CD8B: variants seen among roughly 807,000 people sequenced by gnomAD.
CD8B encodes the protein CD8 subunit beta.
A neutral mutation model predicts 24.2 loss-of-function variants in CD8B; 6 were observed. The observed-to-expected ratio is 0.25, with a 90% CI of 0.14 to 0.49. CD8B has a LOEUF of 0.49. Among genes scored for constraint, CD8B ranks in the 20% least tolerant of loss-of-function variants. The pLI, the probability that CD8B is intolerant of heterozygous loss-of-function variation, is 0.98. For synonymous variants in CD8B, 84 were observed against 108.3 expected (o/e 0.78, Z 1.39); for missense variants, 196 against 271.3 (o/e 0.72, Z 1.95).
At chr2:86,860,135 T>C (rs554653183) in intron 1 of CD8B, among the ~76,000 whole-genome samples, 78 of 152,366 alleles carry the variant, frequency 5.1e-4, no homozygotes, top group East Asian at 2.9e-3. Flanking sequence ...CCAGGCATGA[T>C]GGCGCGTGCC....
In CD8B at chr2:86,840,999, G is replaced by A. The variant is rs541770045; in HGVS notation, c.*1308C>T. 4.1e-4 allele frequency among the ~76,000 whole-genome samples: 62 copies of A among 152,254 alleles called. No homozygotes were observed. Among genetic ancestry groups the A allele is most frequent in the Non-Finnish European group, 7.6e-4 (52 of 68,024 alleles). ...TCTTTGAGCTGGCCAGGAAAAGCAG[G>A]TGAGGCTGGATTCTCCCTGGACCTG... On this transcript the variant is annotated 3_prime_UTR_variant, in exon 6 of 6. Transcript: ENST00000390655.
At chr2:86,826,767 C>T (rs2104507092) in intron 5 of CD8B, among the ~76,000 whole-genome samples, 1 of 151,798 alleles carries the variant, frequency 6.6e-6, no homozygotes, top group South Asian at 2.1e-4. Flanking sequence ...GGTGGAATTA[C>T]AGTGGGCACT....
In CD8B at chr2:86,858,336, C is replaced by T. The variant is rs753422558; in HGVS notation, c.124G>A (p.Glu42Lys). 1.3e-5 allele frequency: 21 copies of T among 1,613,752 alleles called. No homozygotes were observed. The East Asian group carries it at 1.6e-4, about 12-fold the overall frequency. ...QTNKMVMLSC[E>K]AKISLSNMRI... is the part of the protein sequence containing the mutation. Reference sequence around the variant, plus strand: ...ATGTTACTGAGGGAGATTTTAGCCTCGCAGGACAGCATCACCATCTTGTTG... The same window carrying T: ...ATGTTACTGAGGGAGATTTTAGCCTTGCAGGACAGCATCACCATCTTGTTG... Residue 42 changes from glutamate to lysine, a missense_variant, in exon 2 of 6, where the codon GAG (glutamate) becomes AAG (lysine). Glu to Lys is a moderately conservative substitution (Grantham distance 56, BLOSUM62 1). Transcript: ENST00000390655.
At chr2:86,827,613 C>A (rs1449255821) in intron 5 of CD8B, among the ~76,000 whole-genome samples, 1 of 139,062 alleles carries the variant, frequency 7.2e-6, no homozygotes, top group East Asian at 2.0e-4. Context: ...CAGAGCAAGA[C>A]CCTATCTCAA....
intron 5 of CD8B, among the ~76,000 whole-genome samples, chr2:86,823,763 G>A (rs772422551): frequency 1.3e-5 from 2 of 152,140 alleles, no homozygotes; most frequent in Non-Finnish European, 2.9e-5. Context: ...TCAAGGGGAC[G>A]GTGTAGTGGA....
At chr2:86,842,717 T>G (rs1044186228) in intron 5 of CD8B, among the ~76,000 whole-genome samples, 4 of 152,202 alleles carry the variant, frequency 2.6e-5, no homozygotes, top group African/African-American at 7.2e-5. Flanking sequence ...CACAGGCTAT[T>G]TCCTCCATGC....
At chr2:86,825,945 G>A (rs550797047) in intron 5 of CD8B, among the ~76,000 whole-genome samples, 1 of 152,018 alleles carries the variant, frequency 6.6e-6, no homozygotes, top group African/African-American at 2.4e-5. Context: ...ATGAACAGGA[G>A]CTCCTACCTG....
At chr2:86,818,732 C>A (rs1023742643) in intron 5 of CD8B, among the ~76,000 whole-genome samples, 9 of 152,134 alleles carry the variant, frequency 5.9e-5, no homozygotes, top group Non-Finnish European at 1.2e-4. Context: ...AATAACCCTA[C>A]AATGGTTTCT....
chr2:86,834,467 T>TACACACACACACACACACACACACACAC (rs59177290), downstream of CD8B, among the ~76,000 whole-genome samples: 601 of 146,722 alleles, frequency 4.1e-3, 1 homozygote, highest in African/African-American at 8.9e-3. Context: ...TTTCTTCTCT[T>TACACACACACACACACACACACACACAC]ACACACACAC....
intron 2 of CD8B, among the ~76,000 whole-genome samples, chr2:86,856,829 C>T (rs965483492): frequency 2.0e-5 from 3 of 148,600 alleles, no homozygotes; most frequent in African/African-American, 2.5e-5. Flanking sequence ...AAATGCTCAT[C>T]GAACACTTAG....
rs1260011725 is a variant in CD8B, at chr2:86,848,793, C to T, written c.494-2020G>A. Reference sequence around the variant, plus strand: ...GTGCAATGGCAAGATCTGGACTCACCGCAACCTCTGCCTCCTGGGTTCAAG... The same window carrying T: ...GTGCAATGGCAAGATCTGGACTCACTGCAACCTCTGCCTCCTGGGTTCAAG... On this transcript the variant is annotated intron_variant, in intron 3 of 5. Coordinates refer to ENST00000390655, the MANE Select transcript of CD8B (RefSeq NM_004931.5). Among the ~76,000 whole-genome samples the T allele has an allele frequency of 3.7e-4, 56 of 149,818 alleles. 1 individual carries two copies. Among genetic ancestry groups the T allele is most frequent in the South Asian group, 1.3e-3 (6 of 4,746 alleles).
chr2:86,819,893 G>C (rs1262000043), intron 5 of CD8B, among the ~76,000 whole-genome samples: 1 of 152,226 alleles, frequency 6.6e-6, no homozygotes, highest in African/African-American at 2.4e-5. Flanking sequence ...CATGGGAGCA[G>C]GTATAAATAC....
At chr2:86,844,199 T>TCCCAG (rs1461521128) in intron 5 of CD8B, among the ~76,000 whole-genome samples, 1 of 151,410 alleles carries the variant, frequency 6.6e-6, no homozygotes, top group Non-Finnish European at 1.5e-5. Flanking sequence ...CCACTAAAGG[T>TCCCAG]CCCAGCCCAG....
rs920751193 is a variant in CD8B at position 86,842,043 on chromosome 2, G to A, written c.*264C>T. ...GGAGCCGGAAGCGGTGGCATGGGCA[G>A]CATTTCTTACTCAGTCCTCCAGCAC... On this transcript the variant is annotated 3_prime_UTR_variant, in exon 6 of 6. Coordinates refer to ENST00000390655, the MANE Select transcript of CD8B (RefSeq NM_004931.5). 2.4e-6 allele frequency: 3 copies of A among 1,228,752 alleles called. No homozygotes were observed. The South Asian group carries it at 9.6e-5, about 39-fold the overall frequency. 76.1% of individuals were successfully genotyped at this position (1,228,752 alleles called of 1,614,324 possible).
Position 86,840,519 on chromosome 2 carries a change from A to G in CD8B, c.*1788T>C, listed in dbSNP as rs977420746. Among the ~76,000 whole-genome samples the G allele has an allele frequency of 1.3e-5, 2 of 152,164 alleles. No individual in the cohort carries two copies. Among genetic ancestry groups the G allele is most frequent in the African/African-American group, 2.4e-5 (1 of 41,442 alleles). ...GGGCGTCAATTCACCTCAGCCTTTCATTAGCCATGGACCAAATCCTTCACC... is the reference window on the plus strand; with the variant it reads ...GGGCGTCAATTCACCTCAGCCTTTCGTTAGCCATGGACCAAATCCTTCACC... On this transcript the variant is annotated 3_prime_UTR_variant, in exon 6 of 6. Coordinates refer to ENST00000390655, the MANE Select transcript of CD8B (RefSeq NM_004931.5).
rs768743877 is a variant in CD8B at position 86,858,022 on chromosome 2, C to T, written c.403+35G>A. 1.0e-5 allele frequency: 16 copies of T among 1,600,838 alleles called. No individual in the cohort carries two copies. The African/African-American group carries it at 1.1e-4, about 11-fold the overall frequency. On this transcript the variant is annotated intron_variant, in intron 2 of 5. Coordinates refer to ENST00000390655, the MANE Select transcript of CD8B (RefSeq NM_004931.5). ...GCCTGGCACGTGCCTGGCACACAAT[C>T]GGTGCTCACTGATAGCATTGAGCCT... is the stretch of plus-strand genomic sequence containing the variant.
chr2:86,828,243 C>T (rs1674768039), intron 5 of CD8B, among the ~76,000 whole-genome samples: 1 of 151,696 alleles, frequency 6.6e-6, no homozygotes. Context: ...TATGGATCAT[C>T]TGGTCACTTT....
chr2:86,835,227 C>T (rs1313051933), downstream of CD8B, among the ~76,000 whole-genome samples: 7 of 152,172 alleles, frequency 4.6e-5, no homozygotes, highest in Non-Finnish European at 7.3e-5. Flanking sequence ...GACCACCCAA[C>T]ATGGCTTTCT....
intron 4 of CD8B, among the ~76,000 whole-genome samples, chr2:86,845,629 T>A (rs1245250636): frequency 2.6e-5 from 4 of 152,220 alleles, no homozygotes. Flanking sequence ...CATAAAATAT[T>A]AAATAAGTAA....
Sources: allele counts gnomAD v4.1 joint callset (sites outside exome capture counted in the v4.1 genomes callset), GRCh38; gene constraint gnomAD v4.1.1; transcripts MANE v1.5; gene names NCBI Gene and HGNC (gene_info 2026-07-23, HGNC 2026-07-21).